LCOR: variants seen among roughly 807,000 people sequenced by gnomAD.
LCOR encodes ligand-dependent corepressor.
In LCOR, 14 loss-of-function variants were observed where a neutral mutation model predicts 64.4. The observed-to-expected ratio is 0.22, with a 90% CI of 0.14 to 0.34. The LOEUF is 0.34. Ranked by LOEUF, LCOR falls within the 10% of genes least tolerant of loss-of-function variation. The pLI, the probability that LCOR is intolerant of heterozygous loss-of-function variation, is 1.00. For missense variants in LCOR, 1,686 were observed against 1,765.3 expected (o/e 0.96, Z 0.80); for synonymous variants, 643 against 642.5 (o/e 1.00, Z -0.01).
chr10:96,952,223 A>C, intron 7 of LCOR, 27 bp downstream of exon 7: 1 of 1,466,380 alleles, frequency 6.8e-7, no homozygotes, highest in Non-Finnish European at 9.6e-7. Flanking sequence ...GTAGCCTTAC[A>C]CAGTTTCATA....
intron 2 of LCOR, among the ~76,000 whole-genome samples, chr10:96,845,721 C>T (rs1182749195): frequency 1.3e-5 from 2 of 151,330 alleles, no homozygotes; most frequent in African/African-American, 2.4e-5. Context: ...CCCGCCTCGG[C>T]CTCCCAAAGT....
intron 5 of LCOR, among the ~76,000 whole-genome samples, chr10:96,945,180 A>G (rs560973815): frequency 6.6e-6 from 1 of 152,198 alleles, no homozygotes; most frequent in East Asian, 1.9e-4. Flanking sequence ...TTCTTTAATA[A>G]TTCTTCATAT....
chr10:96,833,189 C>T (rs1845377012), intron 1 of LCOR: 11 of 985,060 alleles, frequency 1.1e-5, no homozygotes, highest in Non-Finnish European at 1.1e-5. Flanking sequence ...CCGAGGAGCC[C>T]CGGCGGGGGT....
At chr10:96,845,868 G>C (rs1448512285) in intron 2 of LCOR, among the ~76,000 whole-genome samples, 1 of 151,822 alleles carries the variant, frequency 6.6e-6, no homozygotes, top group Non-Finnish European at 1.5e-5. Context: ...CTTTACACTG[G>C]TCATTTTTCT....
At chr10:96,892,321 T>G (rs1253555264) in intron 2 of LCOR, among the ~76,000 whole-genome samples, 1 of 152,196 alleles carries the variant, frequency 6.6e-6, no homozygotes, top group South Asian at 2.1e-4. Flanking sequence ...TGATTGACTC[T>G]TATCATTATA....
chr10:96,967,652 CT>C (rs1847963202), intron 7 of LCOR, among the ~76,000 whole-genome samples: 1 of 151,968 alleles, frequency 6.6e-6, no homozygotes, highest in Admixed American at 6.6e-5. Flanking sequence ...AGTAGAAACT[CT>C]TTATTGAATA....
intron 2 of LCOR, among the ~76,000 whole-genome samples, chr10:96,897,065 GAGAGAGAGAAAGAGAA>G (rs2134440249): frequency 7.2e-6 from 1 of 138,846 alleles, no homozygotes; most frequent in Non-Finnish European, 1.5e-5. Flanking sequence ...GAGAGAGAGA[GAGAGAGAGAAAGAGAA>G]AGAGAAAGAG....
intron 5 of LCOR, among the ~76,000 whole-genome samples, chr10:96,945,305 G>T (rs953243469): frequency 1.3e-5 from 2 of 152,116 alleles, no homozygotes; most frequent in African/African-American, 4.8e-5. Context: ...CACTAGCTGG[G>T]CTTCTGCTTA....
intron 4 of LCOR, among the ~76,000 whole-genome samples, chr10:96,912,286 C>T (rs1433262404): frequency 2.6e-5 from 4 of 152,148 alleles, no homozygotes; most frequent in East Asian, 1.9e-4. Flanking sequence ...CCTTATAAAG[C>T]AATTGCAAAA....
intron 2 of LCOR, among the ~76,000 whole-genome samples, chr10:96,891,890 C>T (rs1024388339): frequency 1.3e-5 from 2 of 152,058 alleles, no homozygotes; most frequent in African/African-American, 4.8e-5. Flanking sequence ...TGTTTAATTT[C>T]CACATATTTG....
intron 2 of LCOR, among the ~76,000 whole-genome samples, chr10:96,883,590 C>T (rs896544649): frequency 6.6e-6 from 1 of 152,154 alleles, no homozygotes; most frequent in Admixed American, 6.5e-5. Flanking sequence ...TTGCAGTTCC[C>T]TGCTGACATA....
intron 2 of LCOR, among the ~76,000 whole-genome samples, chr10:96,874,834 C>T (rs1469490888): frequency 2.6e-5 from 4 of 151,888 alleles, no homozygotes; most frequent in African/African-American, 9.7e-5. Context: ...GATGGGGTTT[C>T]ACTGTGTTGG....
At chr10:96,938,812 A>G (rs1223990820) in intron 4 of LCOR, among the ~76,000 whole-genome samples, 2 of 152,236 alleles carry the variant, frequency 1.3e-5, no homozygotes, top group Non-Finnish European at 2.9e-5. Context: ...ACACTTAGGA[A>G]TAAATATAAA....
At chr10:96,955,479 G>A (rs1252580231) in intron 7 of LCOR, 3 of 1,613,992 alleles carry the variant, frequency 1.9e-6, no homozygotes, top group Non-Finnish European at 2.5e-6. Flanking sequence ...AACGGAGAGC[G>A]CGCTTAGTAA....
chr10:96,889,968 T>C (rs1335602174), intron 2 of LCOR, among the ~76,000 whole-genome samples: 2 of 152,208 alleles, frequency 1.3e-5, no homozygotes, highest in Admixed American at 6.5e-5. Context: ...TTTTTAACTT[T>C]TTGAGAAACA....
intron 2 of LCOR, among the ~76,000 whole-genome samples, chr10:96,892,482 G>A (rs973136547): frequency 2.6e-5 from 4 of 152,102 alleles, no homozygotes; most frequent in Non-Finnish European, 5.9e-5. Flanking sequence ...GTATGGTGAG[G>A]TGCCGCTTTC....
intron 4 of LCOR, among the ~76,000 whole-genome samples, chr10:96,920,662 GTATA>G (rs1464255613): frequency 1.6e-5 from 2 of 128,500 alleles, no homozygotes; most frequent in Admixed American, 7.6e-5. Flanking sequence ...GTGTATATAT[GTATA>G]TATGTATATA....
chr10:96,958,132 A>G (rs1182851422), intron 7 of LCOR: 1 of 1,186,746 alleles, frequency 8.4e-7, no homozygotes, highest in Non-Finnish European at 1.0e-6. Flanking sequence ...TTTTTGCGTA[A>G]TGTTTGGGAT....
Position 96,987,692 on chromosome 10 carries a change from T to C in LCOR, c.*2558T>C, listed in dbSNP as rs1388957422. On this transcript the variant is annotated 3_prime_UTR_variant, in exon 8 of 8. Coordinates refer to ENST00000421806, the MANE Select transcript of LCOR (RefSeq NM_001346516.2). Reference sequence around the variant, plus strand: ...TAGAATTTTTTATATTTGTTGAATCTCATTTTTGCTGATTCAGTTAATTTT... The same window carrying C: ...TAGAATTTTTTATATTTGTTGAATCCCATTTTTGCTGATTCAGTTAATTTT... 6.6e-6 allele frequency: 1 copy of C among 152,208 alleles called. No homozygotes were observed. Among genetic ancestry groups the C allele is most frequent in the Non-Finnish European group, 1.5e-5 (1 of 68,040 alleles). 9.4% of individuals were successfully genotyped at this position (152,208 alleles called of 1,614,324 possible). A position where few individuals can be genotyped will look rare whatever the true frequency, so the allele number is the denominator to read the frequency against.
Sources: gnomAD v4.1 joint callset for allele counts (sites outside exome capture counted in the v4.1 genomes callset) on GRCh38, gnomAD v4.1.1 for gene constraint, MANE v1.5 for transcripts, NCBI Gene and HGNC (gene_info 2026-07-23, HGNC 2026-07-21) for gene names.